The following ZDHHC15 variants were observed in gnomAD, a reference collection of about 807,000 sequenced individuals.
ZDHHC15 encodes palmitoyltransferase ZDHHC15.
ZDHHC15 carries 19 observed loss-of-function variants against 31.7 expected under a neutral mutation model. The observed-to-expected ratio is 0.60, with a 90% CI of 0.42 to 0.88. The LOEUF is 0.88. Among genes scored for constraint, ZDHHC15 ranks in the 40% least tolerant of loss-of-function variants. The pLI is 0.00. For missense variants in ZDHHC15, 209 were observed against 251.2 expected, an observed-to-expected ratio of 0.83 and a Z score of 1.14; for synonymous variants, 103 against 90.0, an observed-to-expected ratio of 1.14 and a Z score of -0.82.
chrX:75,437,632 C>T (rs1314137032), intron 4 of ZDHHC15, among the ~76,000 whole-genome samples: 2 of 104,485 alleles, frequency 1.9e-5, no homozygotes, highest in Admixed American at 1.0e-4. Context: ...TTTTTTATGG[C>T]TGCATAGTAT....
At chrX:75,497,193 G>T (rs1354368151) in intron 2 of ZDHHC15, among the ~76,000 whole-genome samples, 1 of 111,127 alleles carries the variant, frequency 9.0e-6, no homozygotes, top group Non-Finnish European at 1.9e-5. Flanking sequence ...ATCATTGAAG[G>T]CTACTATGAA....
rs937402432 is a variant in ZDHHC15, at chrX:75,368,827, C to T, written c.*4151G>A. The T allele has an allele frequency of 5.4e-5, 6 of 111,537 alleles. No homozygotes were observed. 9.2% of individuals were successfully genotyped at this position (111,537 alleles called of 1,213,427 possible). On this transcript the variant is annotated 3_prime_UTR_variant, in exon 12 of 12. Coordinates refer to ENST00000373367, the MANE Select transcript of ZDHHC15 (RefSeq NM_144969.3). Reference sequence around the variant, plus strand: ...ATTCTGCTGATGGCTGTGTACCATCCTGCTACAAAGAACACATTTAATGGT... The same window carrying T: ...ATTCTGCTGATGGCTGTGTACCATCTTGCTACAAAGAACACATTTAATGGT...
intron 4 of ZDHHC15, among the ~76,000 whole-genome samples, chrX:75,449,201 TACACACACACACACACAC>T (rs3075226): frequency 2.3e-4 from 18 of 76,649 alleles, no homozygotes; most frequent in South Asian, 2.0e-3. Flanking sequence ...TCTCTCTCTA[TACACACACACACACACAC>T]ACACACACAC....
At chrX:75,413,070 CA>C (rs1351286130) in intron 10 of ZDHHC15, among the ~76,000 whole-genome samples, 3 of 111,291 alleles carry the variant, frequency 2.7e-5, no homozygotes, top group East Asian at 5.6e-4. Flanking sequence ...TCTTATCCCA[CA>C]AAAAAAGGTA....
At chrX:75,498,750 A>T (rs888216831) in intron 2 of ZDHHC15, among the ~76,000 whole-genome samples, 1 of 111,874 alleles carries the variant, frequency 8.9e-6, no homozygotes, top group African/African-American at 3.2e-5. Context: ...CCATTAAAAT[A>T]TCATCATCAT....
intron 10 of ZDHHC15, among the ~76,000 whole-genome samples, chrX:75,405,635 G>A (rs970244285): frequency 1.8e-5 from 2 of 111,758 alleles, no homozygotes; most frequent in African/African-American, 6.5e-5. Context: ...AAATATCAAT[G>A]CACTCAACAC....
chrX:75,454,315 T>A (rs2084178559), intron 3 of ZDHHC15, among the ~76,000 whole-genome samples: 1 of 111,853 alleles, frequency 8.9e-6, no homozygotes, highest in Non-Finnish European at 1.9e-5. Context: ...TACCTAGGAA[T>A]CTTAATCCAG....
At chrX:75,508,977 C>T (rs1238103662) in intron 1 of ZDHHC15, among the ~76,000 whole-genome samples, 2 of 111,040 alleles carry the variant, frequency 1.8e-5, no homozygotes, top group Non-Finnish European at 3.8e-5. Context: ...ATCCTTCGCC[C>T]ACTTTTTGAT....
intron 3 of ZDHHC15, among the ~76,000 whole-genome samples, chrX:75,471,882 C>T (rs1390020198): frequency 2.7e-5 from 3 of 111,545 alleles, no homozygotes; most frequent in Non-Finnish European, 3.8e-5. Flanking sequence ...CAAGGCCCTG[C>T]CATCTTCTGC....
At chrX:75,448,862 C>T (rs2084069613) in intron 4 of ZDHHC15, among the ~76,000 whole-genome samples, 2 of 110,549 alleles carry the variant, frequency 1.8e-5, no homozygotes, top group Admixed American at 1.9e-4. Context: ...TGTGAAGGTG[C>T]TTCTGGGTGA....
chrX:75,505,992 G>C, intron 1 of ZDHHC15, 145 bp from the exon 2 acceptor site: 1 of 495,428 alleles, frequency 2.0e-6, no homozygotes, highest in East Asian at 3.7e-5. Context: ...TAGTACTTTA[G>C]GAAACCACTA....
intron 1 of ZDHHC15, among the ~76,000 whole-genome samples, chrX:75,507,662 C>G (rs1179336605): frequency 9.0e-6 from 1 of 111,494 alleles, no homozygotes; most frequent in African/African-American, 3.3e-5. Flanking sequence ...TGTGGTGATA[C>G]ATGTAATTAT....
At chrX:75,454,171 G>C (rs1461838701) in intron 3 of ZDHHC15, among the ~76,000 whole-genome samples, 1 of 111,963 alleles carries the variant, frequency 8.9e-6, no homozygotes, top group Non-Finnish European at 1.9e-5. Context: ...TCCTTAAGCT[G>C]ATAAGCAACT....
intron 2 of ZDHHC15, among the ~76,000 whole-genome samples, chrX:75,480,419 G>C (rs1004704245): frequency 9.0e-6 from 1 of 110,937 alleles, no homozygotes; most frequent in African/African-American, 3.3e-5. Flanking sequence ...AAACATGAAA[G>C]ATTTGTAATA....
At chrX:75,473,578 TG>T (rs1323192617) in intron 3 of ZDHHC15, among the ~76,000 whole-genome samples, 1 of 111,113 alleles carries the variant, frequency 9.0e-6, no homozygotes, top group Non-Finnish European at 1.9e-5. Context: ...AAGCTAAGAA[TG>T]GAGTTATAGT....
At chrX:75,439,862 C>G (rs1445121021) in intron 4 of ZDHHC15, among the ~76,000 whole-genome samples, 1 of 111,665 alleles carries the variant, frequency 9.0e-6, no homozygotes, top group African/African-American at 3.3e-5. Context: ...TGGGTGATCC[C>G]TTGATGTGGT....
At chrX:75,485,852 A>T (rs2084769277) in intron 2 of ZDHHC15, among the ~76,000 whole-genome samples, 1 of 112,319 alleles carries the variant, frequency 8.9e-6, no homozygotes, top group African/African-American at 3.2e-5. Context: ...TAAGACGTTC[A>T]AGTACTTTCA....
intron 10 of ZDHHC15, among the ~76,000 whole-genome samples, chrX:75,412,559 G>A (rs1344900718): frequency 9.0e-6 from 1 of 110,636 alleles, no homozygotes; most frequent in Admixed American, 9.6e-5. Flanking sequence ...AACCTCCCGA[G>A]TAGCTGGGAT....
chrX:75,385,913 T>C (rs747133824), intron 10 of ZDHHC15, among the ~76,000 whole-genome samples: 13 of 112,126 alleles, frequency 1.2e-4, no homozygotes, highest in Non-Finnish European at 2.4e-4. Context: ...GGGAACTTTA[T>C]GTATCTTATC....
Sources: allele counts gnomAD v4.1 joint callset (sites outside exome capture counted in the v4.1 genomes callset), GRCh38; gene constraint gnomAD v4.1.1; transcripts MANE v1.5; gene names NCBI Gene and HGNC (gene_info 2026-07-23, HGNC 2026-07-21).